The following AGBL1 variants were observed in gnomAD, a reference collection of about 807,000 sequenced individuals.
AGBL1 encodes AGBL carboxypeptidase 1, also known as cytosolic carboxypeptidase 4.
In AGBL1, 130 loss-of-function variants were observed where a neutral mutation model predicts 118.9. That is an observed-to-expected ratio of 1.09 (90% confidence interval 0.95 to 1.26). The LOEUF is 1.26. Ranked by LOEUF, AGBL1 falls within the 50% of genes most tolerant of loss-of-function variation. The pLI, the probability that AGBL1 is intolerant of heterozygous loss-of-function variation, is 0.00. For synonymous variants in AGBL1, 555 were observed against 478.9 expected, an observed-to-expected ratio of 1.16 and a Z score of -2.08; for missense variants, 1,584 against 1,298.1, an observed-to-expected ratio of 1.22 and a Z score of -3.38.
At chr15:87,005,524 A>C (rs2081489341) in intron 24 of AGBL1, among the ~76,000 whole-genome samples, 1 of 152,116 alleles carries the variant, frequency 6.6e-6, no homozygotes, top group East Asian at 1.9e-4. Context: ...TTCTCGTGTC[A>C]TGGTTTTCAG....
intron 21 of AGBL1, among the ~76,000 whole-genome samples, chr15:86,669,101 TAA>T (rs199730409): frequency 6.6e-6 from 1 of 150,664 alleles, no homozygotes; most frequent in Admixed American, 6.6e-5. Context: ...ACTTTAATGT[TAA>T]AAAAAAAAGT....
At chr15:87,002,652 G>A (rs1049528588) in intron 24 of AGBL1, among the ~76,000 whole-genome samples, 6 of 151,922 alleles carry the variant, frequency 3.9e-5, no homozygotes, top group East Asian at 1.9e-4. Flanking sequence ...CCTTTATTTT[G>A]TTGAGCAGTG....
chr15:86,826,312 GGAT>G (rs2079012351), intron 22 of AGBL1, among the ~76,000 whole-genome samples: 1 of 152,132 alleles, frequency 6.6e-6, no homozygotes, highest in African/African-American at 2.4e-5. Flanking sequence ...AGAGATTTGA[GGAT>G]GATGCTTGGT....
intron 22 of AGBL1, among the ~76,000 whole-genome samples, chr15:86,870,478 A>AAAAAAAAAAAAAAAAAAAAAAAAAAC (rs2079709122): frequency 1.1e-5 from 1 of 87,516 alleles, no homozygotes; most frequent in African/African-American, 3.5e-5. Context: ...AAAAAAAAAA[A>AAAAAAAAAAAAAAAAAAAAAAAAAAC]AAAAAAAAAA....
chr15:86,826,368 G>A (rs896270540), intron 22 of AGBL1, among the ~76,000 whole-genome samples: 2 of 152,114 alleles, frequency 1.3e-5, no homozygotes, highest in African/African-American at 2.4e-5. Context: ...AGAATATTGA[G>A]AATGAAGTCA....
At chr15:86,821,773 A>G (rs1371260144) in intron 22 of AGBL1, among the ~76,000 whole-genome samples, 1 of 152,148 alleles carries the variant, frequency 6.6e-6, no homozygotes, top group African/African-American at 2.4e-5. Flanking sequence ...TTCTTAAATC[A>G]ATCCTCTGAG....
rs537626316 is a variant in AGBL1, at chr15:86,910,740, A to T, written c.*3446A>T. On this transcript the variant is annotated 3_prime_UTR_variant, in exon 23 of 23. Transcript: ENST00000614907. ...CAGGAAGCAGAAGGAGAACAAAGAG[A>T]GGTGTACCTAACACTTGGTGATTTT... 1 of 152,330 alleles carries T rather than the reference A, an allele frequency of 6.6e-6. No homozygotes were observed. Among genetic ancestry groups the T allele is most frequent in the South Asian group, 2.1e-4 (1 of 4,822 alleles). 9.4% of individuals were successfully genotyped at this position (152,330 alleles called of 1,614,324 possible). A position where few individuals can be genotyped will look rare whatever the true frequency, so the allele number is the denominator to read the frequency against.
chr15:86,576,690 G>C (rs185581257), intron 21 of AGBL1, among the ~76,000 whole-genome samples: 1 of 152,206 alleles, frequency 6.6e-6, no homozygotes, highest in Non-Finnish European at 1.5e-5. Flanking sequence ...TGTGTTGTGG[G>C]AGGGACTTGA....
intron 3 of AGBL1, among the ~76,000 whole-genome samples, chr15:86,152,120 T>A (rs960810316): frequency 2.0e-5 from 3 of 152,062 alleles, no homozygotes; most frequent in African/African-American, 7.3e-5. Context: ...TTCAATGCCA[T>A]CCCCATCAAG....
intron 19 of AGBL1, among the ~76,000 whole-genome samples, chr15:86,533,870 C>A (rs1268248175): frequency 1.1e-5 from 1 of 87,880 alleles, no homozygotes; most frequent in Non-Finnish European, 2.1e-5. Context: ...GAACAAAAAA[C>A]CAAACACCGC....
intron 24 of AGBL1, among the ~76,000 whole-genome samples, chr15:86,989,827 C>A (rs983061522): frequency 6.6e-6 from 1 of 152,086 alleles, no homozygotes; most frequent in East Asian, 1.9e-4. Context: ...AGAAAATGAG[C>A]TATATGGACA....
chr15:86,996,930 T>A (rs2081385548), intron 24 of AGBL1, among the ~76,000 whole-genome samples: 1 of 152,180 alleles, frequency 6.6e-6, no homozygotes, highest in African/African-American at 2.4e-5. Flanking sequence ...TATTTTGATT[T>A]AAAAATTTCT....
At chr15:86,519,513 A>G (rs2083160534) in intron 18 of AGBL1, among the ~76,000 whole-genome samples, 1 of 152,220 alleles carries the variant, frequency 6.6e-6, no homozygotes, top group East Asian at 1.9e-4. Context: ...GATATTATTA[A>G]CACAAAATGC....
At chr15:86,134,026 A>C (rs773204743) in intron 1 of AGBL1, among the ~76,000 whole-genome samples, 4 of 152,176 alleles carry the variant, frequency 2.6e-5, no homozygotes, top group African/African-American at 9.7e-5. Flanking sequence ...CTTCTTTCTT[A>C]TGAACTCATT....
chr15:86,187,236 T>C (rs1237853517), intron 5 of AGBL1, among the ~76,000 whole-genome samples: 1 of 152,230 alleles, frequency 6.6e-6, no homozygotes, highest in Non-Finnish European at 1.5e-5. Flanking sequence ...TGTTACAGGC[T>C]GATTTCTTTA....
At chr15:86,605,730 T>C (rs1276709119) in intron 21 of AGBL1, among the ~76,000 whole-genome samples, 2 of 150,776 alleles carry the variant, frequency 1.3e-5, no homozygotes, top group African/African-American at 2.4e-5. Flanking sequence ...CATATTTTAC[T>C]GACGTGGACT....
chr15:86,938,021 C>A (rs1197718814), intron 23 of AGBL1, among the ~76,000 whole-genome samples: 3 of 152,032 alleles, frequency 2.0e-5, no homozygotes, highest in Admixed American at 6.6e-5. Flanking sequence ...CAGTTGGTTG[C>A]CCATCAAGTA....
chr15:86,295,903 A>T (rs62015569), intron 17 of AGBL1: 35,286 of 155,360 alleles, frequency 0.23, 4,394 homozygotes, highest in Non-Finnish European at 0.27. Flanking sequence ...AACAAAGTCA[A>T]AGCCAAACTC....
At chr15:86,534,992 C>G (rs1596238127) in intron 19 of AGBL1, among the ~76,000 whole-genome samples, 1 of 152,248 alleles carries the variant, frequency 6.6e-6, no homozygotes, top group Middle Eastern at 3.4e-3. Flanking sequence ...ACTATATATT[C>G]AGGATCTGCG....
Sources: allele counts gnomAD v4.1 joint callset (sites outside exome capture counted in the v4.1 genomes callset), GRCh38; gene constraint gnomAD v4.1.1; transcripts MANE v1.5; gene names NCBI Gene and HGNC (gene_info 2026-07-23, HGNC 2026-07-21).